The following CLSTN1 variants were observed in gnomAD, a reference collection of about 807,000 sequenced individuals.
The protein encoded by CLSTN1 is calsyntenin 1, also known as calsyntenin-1.
Under a neutral mutation model 108.3 loss-of-function variants are expected in CLSTN1, and 28 were observed. The observed-to-expected ratio is 0.26, with a 90% CI of 0.19 to 0.35. The LOEUF is 0.35. Among genes scored for constraint, CLSTN1 ranks in the 10% least tolerant of loss-of-function variants. CLSTN1 has a pLI of 1.00. For synonymous variants in CLSTN1, 524 were observed against 534.9 expected (o/e 0.98, Z 0.28); for missense variants, 1,157 against 1,302.6 (o/e 0.89, Z 1.72).
intron 1 of CLSTN1, 152 bp from the exon 2 acceptor site, chr1:9,773,546 A>G: frequency 1.6e-6 from 1 of 638,406 alleles, no homozygotes; most frequent in Non-Finnish European, 2.4e-6. Flanking sequence ...ATTTGGTATC[A>G]AGACCCAAAT....
chr1:9,819,999 A>G (rs1223116504), intron 1 of CLSTN1, among the ~76,000 whole-genome samples: 1 of 152,118 alleles, frequency 6.6e-6, no homozygotes, highest in East Asian at 1.9e-4. Flanking sequence ...TAATATCCCC[A>G]ATACTGCAAC....
chr1:9,735,775 C>T, intron 12 of CLSTN1, 110 bp downstream of exon 12: 1 of 1,508,164 alleles, frequency 6.6e-7, no homozygotes, highest in Non-Finnish European at 9.0e-7. Flanking sequence ...ACTCTTTTAC[C>T]CAACAGTAAA....
chr1:9,760,133 A>G (rs1192211664), intron 2 of CLSTN1, among the ~76,000 whole-genome samples: 3 of 152,078 alleles, frequency 2.0e-5, no homozygotes, highest in Non-Finnish European at 2.9e-5. Flanking sequence ...CAATGATACA[A>G]TCCTAGCTCT....
chr1:9,800,343 T>TG (rs780083579), intron 1 of CLSTN1, among the ~76,000 whole-genome samples: 1 of 150,262 alleles, frequency 6.7e-6, no homozygotes, highest in Non-Finnish European at 1.5e-5. Context: ...AGGCTAACTA[T>TG]GAAAAAAAAA....
At chr1:9,797,481 T>C (rs891666638) in intron 1 of CLSTN1, among the ~76,000 whole-genome samples, 2 of 151,942 alleles carry the variant, frequency 1.3e-5, no homozygotes, top group Non-Finnish European at 2.9e-5. Flanking sequence ...ACAAAATAAA[T>C]TTTTTTAAAA....
intron 2 of CLSTN1, among the ~76,000 whole-genome samples, chr1:9,765,167 C>G (rs576341629): frequency 6.6e-6 from 1 of 151,842 alleles, no homozygotes; most frequent in South Asian, 2.1e-4. Flanking sequence ...GGCAGATCAA[C>G]TGAGGTCAGG....
chr1:9,744,712 C>A, intron 7 of CLSTN1, 69 bp from the exon 8 acceptor site: 1 of 1,504,428 alleles, frequency 6.6e-7, no homozygotes, highest in Non-Finnish European at 8.9e-7. Context: ...AGCCCCCAGG[C>A]ACGTGCTTGT....
At position 9,757,102 on chromosome 1, in the gene CLSTN1, T is replaced by C. The variant is rs184066507; in HGVS notation, c.215-592A>G. Among the ~76,000 whole-genome samples the C allele has an allele frequency of 1.4e-3, 207 of 151,982 alleles. 3 individuals carry two copies. Among genetic ancestry groups the C allele is most frequent in the Non-Finnish European group, 2.3e-3 (158 of 67,934 alleles). ...AGGATTTTTCTTTTAATGAACACTC[T>C]AGTGACAAACCATGAATAAGTACAT... On this transcript the variant is annotated intron_variant, in intron 2 of 18. Coordinates refer to ENST00000377298, the MANE Select transcript of CLSTN1 (RefSeq NM_001009566.3).
At position 9,814,327 on chromosome 1, in the gene CLSTN1, G is replaced by A. The variant is rs142421348; in HGVS notation, c.91+9316C>T. 2.0e-4 allele frequency among the ~76,000 whole-genome samples: 30 copies of A among 151,546 alleles called. No individual in the cohort carries two copies. The East Asian group carries it at 3.9e-3, about 20-fold the overall frequency. On this transcript the variant is annotated intron_variant, in intron 1 of 18. Coordinates refer to ENST00000377298, the MANE Select transcript of CLSTN1 (RefSeq NM_001009566.3). ...TTCAGGGGGCTGAAATGGGCAGATC[G>A]CTTGAACCTTGGGAGGACGGAGATT...
At position 9,823,719 on chromosome 1, in the gene CLSTN1, G is replaced by C. The variant is rs1293201831; in HGVS notation, c.15C>G (p.Pro5=). The change falls in exon 1 of 19, where the codon CCC becomes CCG. Residue 5 remains proline, a synonymous_variant. Coordinates refer to ENST00000377298, the MANE Select transcript of CLSTN1 (RefSeq NM_001009566.3). This position sits in a 1 kb window ranked among gnomAD's most constrained non-coding sequence, Gnocchi z 6.3. MLRR[P]APALAPAARL... is the part of the protein sequence containing the mutation. The stretch of plus-strand genomic sequence containing the variant: ...GGGCGGCCGGGGCCAGCGCGGGAGC[G>C]GGGCGGCGCAGCATCGCCAGCCCGG... The C allele has an allele frequency of 2.8e-5, 30 of 1,090,168 alleles. No homozygotes were observed. In the East Asian group the frequency reaches 1.2e-3, roughly 43 times the overall value. 67.5% of individuals were successfully genotyped at this position (1,090,168 alleles called of 1,614,324 possible).
chr1:9,738,022 C>T (rs1650783303), intron 10 of CLSTN1, among the ~76,000 whole-genome samples: 2 of 152,206 alleles, frequency 1.3e-5, no homozygotes, highest in Admixed American at 1.3e-4. Flanking sequence ...TGTCCCAAGC[C>T]TGGTACACAG....
rs771100196 is a variant in CLSTN1 at position 9,733,386 on chromosome 1, G to A, written c.2427+15C>T. 1.9e-6 allele frequency: 3 copies of A among 1,613,968 alleles called. No homozygotes were observed. The highest frequency in any genetic ancestry group is 2.2e-5 in the South Asian group (2 of 91,078). On this transcript the variant is annotated intron_variant, in intron 16 of 18. Transcript: ENST00000377298. ...TGCTGCTATTGGCCCTGCTCAGTGG[G>A]AGCCTTGTACTCACCTCCACCTTAA... is the stretch of plus-strand genomic sequence containing the variant.
intron 2 of CLSTN1, among the ~76,000 whole-genome samples, chr1:9,765,363 G>A (rs528333045): frequency 5.9e-5 from 9 of 152,054 alleles, no homozygotes; most frequent in South Asian, 2.1e-4. Flanking sequence ...TAGCCTGGGC[G>A]ACAAGAGCGA....
At chr1:9,748,769 A>G (rs1183044511) in intron 7 of CLSTN1, among the ~76,000 whole-genome samples, 2 of 152,010 alleles carry the variant, frequency 1.3e-5, no homozygotes, top group African/African-American at 4.8e-5. Flanking sequence ...GATTATAGGC[A>G]TGAGCCCCCA....
Position 9,731,879 on chromosome 1 carries a change from C to A in CLSTN1, c.2445G>T (p.Thr815=), listed in dbSNP as rs200208951. The A allele has an allele frequency of 6.2e-7, 1 of 1,613,928 alleles. No individual in the cohort carries two copies. Among genetic ancestry groups the A allele is most frequent in the African/African-American group, 1.3e-5 (1 of 74,870 alleles). The change falls in exon 17 of 19, where the codon ACG becomes ACT. Residue 815 remains threonine (T), a synonymous_variant. Transcript: ENST00000377298. ...GGTTGGCGTGTTCCATGGGGTTGGC[C>A]GTGTGGATTACATTCACCTATAGCA... ...EFKVEVNVIH[T]ANPMEHANHM... is the part of the protein sequence containing the mutation.
chr1:9,751,710 T>C, intron 4 of CLSTN1, 29 bp from the exon 5 acceptor site: 1 of 1,598,548 alleles, frequency 6.3e-7, no homozygotes, highest in East Asian at 2.2e-5. Flanking sequence ...AAAAATATTT[T>C]TCTGCTTGTT....
intron 2 of CLSTN1, 59 bp downstream of exon 2, chr1:9,773,212 TG>T: frequency 6.2e-7 from 1 of 1,607,914 alleles, no homozygotes; most frequent in Non-Finnish European, 8.5e-7. Flanking sequence ...AAATGGGATG[TG>T]CAGAATGCTT....
chr1:9,774,793 G>T (rs940659961), intron 1 of CLSTN1, among the ~76,000 whole-genome samples: 1 of 151,992 alleles, frequency 6.6e-6, no homozygotes, highest in African/African-American at 2.4e-5. Context: ...AGAAAGAATG[G>T]CTACTCCACA....
At chr1:9,754,493 A>C (rs1035085144) in intron 4 of CLSTN1, among the ~76,000 whole-genome samples, 3 of 152,068 alleles carry the variant, frequency 2.0e-5, no homozygotes, top group African/African-American at 2.4e-5. Context: ...CGGAAGGCGG[A>C]GGTTCCAATG....
Sources: gnomAD v4.1 joint callset for allele counts (sites outside exome capture counted in the v4.1 genomes callset) on GRCh38, gnomAD v4.1.1 for gene constraint, Gnocchi (gnomAD v3.1) non-coding constraint, MANE v1.5 for transcripts, NCBI Gene and HGNC (gene_info 2026-07-23, HGNC 2026-07-21) for gene names.